The following CPLX2 variants were observed in gnomAD, a reference collection of about 807,000 sequenced individuals.
CPLX2 encodes complexin-2.
CPLX2 carries 5 observed loss-of-function variants against 16.3 expected under a neutral mutation model. The observed-to-expected ratio is 0.31, with a 90% CI of 0.16 to 0.64. The LOEUF is 0.64. Ranked by LOEUF, CPLX2 falls within the 30% of genes least tolerant of loss-of-function variation. The pLI is 0.79. For synonymous variants in CPLX2, 89 were observed against 73.2 expected, an observed-to-expected ratio of 1.22 and a Z score of -1.10; for missense variants, 144 against 181.4, an observed-to-expected ratio of 0.79 and a Z score of 1.18.
rs1755650038 is a variant in CPLX2 at position 175,882,709 on chromosome 5, T to TG, written c.*2669dup. On this transcript the variant is annotated 3_prime_UTR_variant, in exon 4 of 4. Coordinates refer to ENST00000393745, the MANE Select transcript of CPLX2 (RefSeq NM_001008220.2). ...AGGACAGCAGGACTTCAGGTCTTCC[T>TG]GGGGGTGGATATAGGAGAAAATTTC... 1 of 152,900 alleles carries TG rather than the reference T, an allele frequency of 6.5e-6. No homozygotes were observed. The highest frequency in any genetic ancestry group is 1.5e-5 in the Non-Finnish European group (1 of 68,246). 9.5% of individuals were successfully genotyped at this position (152,900 alleles called of 1,614,324 possible).
chr5:175,818,122 T>C (rs941135745), intron 2 of CPLX2, among the ~76,000 whole-genome samples: 2 of 152,106 alleles, frequency 1.3e-5, no homozygotes, highest in Non-Finnish European at 2.9e-5. Context: ...GGAAACCATT[T>C]GAGTATTGCT....
At chr5:175,874,781 G>A (rs1241757266) in intron 1 of CPLX2, among the ~76,000 whole-genome samples, 1 of 152,158 alleles carries the variant, frequency 6.6e-6, no homozygotes, top group Admixed American at 6.5e-5. Context: ...AGGGGTGGAC[G>A]AGATTCCCAA....
intron 2 of CPLX2, among the ~76,000 whole-genome samples, chr5:175,860,938 G>A (rs553225669): frequency 3.8e-4 from 58 of 151,858 alleles, no homozygotes; most frequent in Middle Eastern, 6.8e-3. Context: ...TAATGCCATA[G>A]TGATAGGGTG....
At chr5:175,815,005 G>A (rs1345773168) in intron 2 of CPLX2, among the ~76,000 whole-genome samples, 1 of 152,228 alleles carries the variant, frequency 6.6e-6, no homozygotes, top group African/African-American at 2.4e-5. Context: ...TCAAAGGGCT[G>A]TCACCAGAAG....
chr5:175,800,927 C>T (rs1345995072), intron 1 of CPLX2, among the ~76,000 whole-genome samples: 5 of 152,176 alleles, frequency 3.3e-5, no homozygotes, highest in Middle Eastern at 3.4e-3. Flanking sequence ...CATGTGACAA[C>T]GTGGGGCAGC....
intron 1 of CPLX2, among the ~76,000 whole-genome samples, chr5:175,799,563 T>TAA: frequency 2.1e-5 from 3 of 142,984 alleles, no homozygotes; most frequent in African/African-American, 7.8e-5. Flanking sequence ...TATATATATA[T>TAA]ATATATATAT....
At position 175,841,791 on chromosome 5, in the gene CPLX2, G is replaced by A. The variant is rs551835458; in HGVS notation, c.-89+32723G>A. Among the ~76,000 whole-genome samples, 26 of 152,328 alleles carry A rather than the reference G, an allele frequency of 1.7e-4. No homozygotes were observed. In the South Asian group the frequency reaches 5.4e-3, roughly 32 times the overall value. ...GAATCCCAGCTCTCCTCCTGCCTGG[G>A]TGGGAGTGACCTTGGACAAGTCTTC... On this transcript the variant is annotated intron_variant, in intron 2 of 4. Transcript: ENST00000359546.
intron 2 of CPLX2, among the ~76,000 whole-genome samples, chr5:175,822,539 A>G (rs1190595761): frequency 6.6e-6 from 1 of 152,234 alleles, no homozygotes; most frequent in African/African-American, 2.4e-5. Flanking sequence ...CCAACTCAAG[A>G]TGGCCTGAAG....
At chr5:175,871,464 A>AGAGAGAGAGAGAGAGAGAGAGG (rs1561790485), upstream of CPLX2, 34 of 93,232 alleles carry the variant, frequency 3.6e-4, 2 homozygotes, top group South Asian at 2.2e-3. Flanking sequence ...AGAGAGAGAG[A>AGAGAGAGAGAGAGAGAGAGAGG]GAGAGAGAGA....
rs1554122960 is a variant in CPLX2, at chr5:175,880,296, G to GGC, written c.*251_*252insGC. 25 of 562,006 alleles carry GGC rather than the reference G, an allele frequency of 4.4e-5. No individual in the cohort carries two copies. The highest frequency in any genetic ancestry group is 1.5e-4 in the African/African-American group (8 of 53,254). 34.8% of individuals were successfully genotyped at this position (562,006 alleles called of 1,614,324 possible). A position where few individuals can be genotyped will look rare whatever the true frequency, so the allele number is the denominator to read the frequency against. Reference sequence around the variant, plus strand: ...TCTTTCCCCAGCAGGGGTCAGGGGGGCCCCTCAGGAAGCCTAAGGTCGTGC... The same window carrying GGC: ...TCTTTCCCCAGCAGGGGTCAGGGGGGGCCCCCTCAGGAAGCCTAAGGTCGTGC... On this transcript the variant is annotated 3_prime_UTR_variant, in exon 4 of 4. Transcript: ENST00000393745.
At chr5:175,819,754 C>T (rs1758472960) in intron 2 of CPLX2, among the ~76,000 whole-genome samples, 1 of 152,128 alleles carries the variant, frequency 6.6e-6, no homozygotes, top group Non-Finnish European at 1.5e-5. Context: ...CCTCACAGGT[C>T]AAAAGTGTTA....
At chr5:175,819,584 G>A (rs1219272318) in intron 2 of CPLX2, among the ~76,000 whole-genome samples, 1 of 152,204 alleles carries the variant, frequency 6.6e-6, no homozygotes, top group Non-Finnish European at 1.5e-5. Context: ...AGGGTCAAGG[G>A]CCGCCTTTCA....
chr5:175,797,041 G>A (rs1463334473), intron 1 of CPLX2, among the ~76,000 whole-genome samples: 16 of 152,184 alleles, frequency 1.1e-4, no homozygotes, highest in Admixed American at 1.0e-3. Flanking sequence ...GGTCAGCACT[G>A]CAGCGGCGGA....
intron 2 of CPLX2, among the ~76,000 whole-genome samples, chr5:175,850,722 C>T (rs1425130136): frequency 6.6e-6 from 1 of 152,150 alleles, no homozygotes; most frequent in Non-Finnish European, 1.5e-5. Context: ...CCCCAGAACC[C>T]CCACTAATAT....
At chr5:175,847,024 C>A (rs545410315) in intron 2 of CPLX2, among the ~76,000 whole-genome samples, 1 of 152,134 alleles carries the variant, frequency 6.6e-6, no homozygotes, top group African/African-American at 2.4e-5. Flanking sequence ...ATTTAGGAGG[C>A]GTTGAGATGA....
chr5:175,808,569 C>G (rs566265973), intron 1 of CPLX2, among the ~76,000 whole-genome samples: 3 of 152,148 alleles, frequency 2.0e-5, no homozygotes, highest in Non-Finnish European at 4.4e-5. Flanking sequence ...TATTAGGCAT[C>G]CCATTTTACA....
chr5:175,843,813 G>C (rs952280826), intron 2 of CPLX2, among the ~76,000 whole-genome samples: 3 of 152,232 alleles, frequency 2.0e-5, no homozygotes, highest in Non-Finnish European at 4.4e-5. Context: ...AGCCTCAGGA[G>C]AGAAGGTCGT....
At chr5:175,797,496 C>T (rs1203502163) in intron 1 of CPLX2, among the ~76,000 whole-genome samples, 1 of 152,192 alleles carries the variant, frequency 6.6e-6, no homozygotes, top group African/African-American at 2.4e-5. Flanking sequence ...CCCCGTCTTC[C>T]CTCCAGACCC....
chr5:175,861,295 G>T (rs772217805), intron 2 of CPLX2, among the ~76,000 whole-genome samples: 1 of 152,206 alleles, frequency 6.6e-6, no homozygotes, highest in African/African-American at 2.4e-5. Flanking sequence ...AGCAGCTTAG[G>T]ATCCAGCAGC....
Sources: allele counts gnomAD v4.1 joint callset (sites outside exome capture counted in the v4.1 genomes callset), GRCh38; gene constraint gnomAD v4.1.1; transcripts MANE v1.5; gene names NCBI Gene and HGNC (gene_info 2026-07-23, HGNC 2026-07-21).